PPP6R2: variants seen among roughly 807,000 people sequenced by gnomAD.
The protein encoded by PPP6R2 is serine/threonine-protein phosphatase 6 regulatory subunit 2.
Under a neutral mutation model 100.2 loss-of-function variants are expected in PPP6R2, and 62 were observed. The ratio of observed to expected loss-of-function variants is 0.62; its 90% CI spans 0.50 to 0.76. PPP6R2 has a LOEUF of 0.76. PPP6R2 is among the 30% of genes least tolerant of loss of function. The pLI is 0.00. For missense variants in PPP6R2, 1,142 were observed against 1,276.3 expected, an observed-to-expected ratio of 0.89 and a Z score of 1.60; for synonymous variants, 525 against 514.7, an observed-to-expected ratio of 1.02 and a Z score of -0.27.
intron 11 of PPP6R2, among the ~76,000 whole-genome samples, chr22:50,432,053 A>G (rs2063243320): frequency 6.6e-6 from 1 of 152,132 alleles, no homozygotes; most frequent in Non-Finnish European, 1.5e-5. Context: ...CTTCATCTTT[A>G]GGGCGCTCAG....
chr22:50,413,082 C>T (rs994798615), intron 4 of PPP6R2, among the ~76,000 whole-genome samples: 2 of 151,740 alleles, frequency 1.3e-5, no homozygotes, highest in Admixed American at 1.3e-4. Context: ...CTCAGCCTCC[C>T]GAGTAGCTGG....
upstream of PPP6R2, among the ~76,000 whole-genome samples, chr22:50,340,296 A>G (rs1386658318): frequency 4.2e-3 from 117 of 28,118 alleles, no homozygotes; most frequent in African/African-American, 7.1e-3. Flanking sequence ...TGTGTGTGGT[A>G]TGTGGTGTGT....
chr22:50,410,953 C>A (rs12162983), intron 4 of PPP6R2, among the ~76,000 whole-genome samples: 1 of 151,760 alleles, frequency 6.6e-6, no homozygotes, highest in African/African-American at 2.4e-5. Context: ...CCCCATGACC[C>A]GCTAATTTTT....
intron 18 of PPP6R2, 82 bp from the exon 19 acceptor site, chr22:50,438,517 C>T (rs2064885843): frequency 3.9e-6 from 6 of 1,529,094 alleles, no homozygotes; most frequent in South Asian, 1.2e-5. Context: ...CACCCTCAGC[C>T]CCGAGCCTGG....
intron 4 of PPP6R2, among the ~76,000 whole-genome samples, chr22:50,409,309 T>G (rs2059418031): frequency 6.6e-6 from 1 of 152,230 alleles, no homozygotes; most frequent in Non-Finnish European, 1.5e-5. Context: ...TGAACCCCCA[T>G]GTCTCTGTCA....
chr22:50,371,772 G>A (rs1179319801), intron 1 of PPP6R2, among the ~76,000 whole-genome samples: 7 of 152,178 alleles, frequency 4.6e-5, no homozygotes, highest in African/African-American at 1.7e-4. Context: ...GAGTAGCTGG[G>A]ACTACAGGCA....
At position 50,387,650 on chromosome 22, in the gene PPP6R2, C is replaced by T. The variant is rs867222091; in HGVS notation, c.-16-6243C>T. On this transcript the variant is annotated intron_variant, in intron 2 of 23. Transcript: ENST00000612753. ...GAGGAAAAAACCTCCTGGTTTGTAA[C>T]ACTTGCTGATTTCCATGGCGTTAAT... 5.3e-5 allele frequency among the ~76,000 whole-genome samples: 8 copies of T among 152,256 alleles called. No individual in the cohort carries two copies. In the South Asian group the frequency reaches 1.4e-3, roughly 28 times the overall value.
chr22:50,394,639 G>T (rs535848910), intron 3 of PPP6R2, among the ~76,000 whole-genome samples: 2 of 149,890 alleles, frequency 1.3e-5, no homozygotes, highest in East Asian at 3.9e-4. Context: ...GGGCACAGTG[G>T]CTCATGTCTG....
intron 22 of PPP6R2, among the ~76,000 whole-genome samples, chr22:50,442,488 G>A (rs2065897891): frequency 6.6e-6 from 1 of 152,236 alleles, no homozygotes; most frequent in South Asian, 2.1e-4. Context: ...GAGCCCCTCG[G>A]GTTGAAAGTC....
intron 22 of PPP6R2, chr22:50,443,558 A>C: frequency 2.4e-6 from 1 of 409,338 alleles, no homozygotes; most frequent in Non-Finnish European, 4.5e-6. Flanking sequence ...AGTTGAGATC[A>C]TAGCACAGGA....
chr22:50,339,857 T>C (rs1211597350), upstream of PPP6R2, among the ~76,000 whole-genome samples: 2 of 114,682 alleles, frequency 1.7e-5, no homozygotes, highest in African/African-American at 3.4e-5. Context: ...GTGTGTGTGG[T>C]ATGTAGTGTG....
chr22:50,416,081 TTC>T lies in PPP6R2; in HGVS notation c.553-7_553-6del. 2.5e-6 allele frequency: 4 copies of T among 1,611,268 alleles called. No individual in the cohort carries two copies. The highest frequency in any genetic ancestry group is 3.4e-6 in the Non-Finnish European group (4 of 1,177,350). ...AGCAGCGACACTGAAAGGCCTCTTT[TTC>T]TCTTTCAGTGGCTGAATGAAGAGAA... On this transcript the variant is annotated splice_polypyrimidine_tract_variant and intron_variant, in intron 5 of 23. Transcript: ENST00000612753.
chr22:50,443,723 C>A, intron 22 of PPP6R2, 143 bp from the exon 23 acceptor site: 1 of 1,224,450 alleles, frequency 8.2e-7, no homozygotes, highest in Non-Finnish European at 1.1e-6. Context: ...CCTGGGCCAC[C>A]CCACAAAGGG....
intron 17 of PPP6R2, 76 bp downstream of exon 17, chr22:50,437,976 T>C (rs1433907249): frequency 6.4e-7 from 1 of 1,551,860 alleles, no homozygotes; most frequent in African/African-American, 1.4e-5. Context: ...GCTCGGTCTG[T>C]CATGGGCCTG....
At chr22:50,424,034 G>A (rs1008383434) in intron 10 of PPP6R2, among the ~76,000 whole-genome samples, 7 of 152,214 alleles carry the variant, frequency 4.6e-5, no homozygotes, top group African/African-American at 1.2e-4. Flanking sequence ...CAAAGCCAGC[G>A]GGCAGTGCCT....
At chr22:50,339,798 G>GTGTGGTGTGTGT (rs2042350001), upstream of PPP6R2, among the ~76,000 whole-genome samples, 1 of 100,620 alleles carries the variant, frequency 9.9e-6, no homozygotes, top group Non-Finnish European at 1.9e-5. Context: ...GGTGTGTGTG[G>GTGTGGTGTGTGT]GGTATGTGTG....
intron 1 of PPP6R2, among the ~76,000 whole-genome samples, chr22:50,370,289 CTT>C (rs1056635998): frequency 1.3e-5 from 2 of 152,190 alleles, no homozygotes; most frequent in African/African-American, 4.8e-5. Context: ...TGTGCCACGT[CTT>C]GTTTGTTTGT....
chr22:50,430,221 T>C (rs2062879476), intron 10 of PPP6R2, among the ~76,000 whole-genome samples: 1 of 152,062 alleles, frequency 6.6e-6, no homozygotes, highest in Admixed American at 6.5e-5. Flanking sequence ...CCCAGGGGAG[T>C]ATCTAGGTGG....
intron 6 of PPP6R2, 33 bp from the exon 7 acceptor site, chr22:50,418,834 C>A (rs748640954): frequency 1.3e-6 from 2 of 1,546,050 alleles, no homozygotes; most frequent in Non-Finnish European, 1.8e-6. Context: ...CTTCTCCACA[C>A]TGAGGGACTC....
Sources: allele counts gnomAD v4.1 joint callset (sites outside exome capture counted in the v4.1 genomes callset), GRCh38; gene constraint gnomAD v4.1.1; transcripts MANE v1.5; gene names NCBI Gene and HGNC (gene_info 2026-07-23, HGNC 2026-07-21).